Variants in CDH13 observed in about 807,000 individuals in gnomAD.
CDH13 encodes the protein cadherin-13.
In CDH13, 24 loss-of-function variants were observed where a neutral mutation model predicts 63.8. The observed-to-expected ratio is 0.38, with a 90% CI of 0.27 to 0.53. CDH13 has a LOEUF of 0.53. Among genes scored for constraint, CDH13 ranks in the 20% least tolerant of loss-of-function variants. The probability of loss-of-function intolerance (pLI) is 0.85; values close to 1 mark genes in which losing one functional copy is unlikely to be tolerated. For synonymous variants in CDH13, 503 were observed against 355.3 expected, an observed-to-expected ratio of 1.42 and a Z score of -4.67; for missense variants, 1,049 against 903.1, an observed-to-expected ratio of 1.16 and a Z score of -2.07.
intron 7 of CDH13, among the ~76,000 whole-genome samples, chr16:83,528,499 A>G (rs973275843): frequency 7.2e-5 from 11 of 152,186 alleles, no homozygotes; most frequent in Non-Finnish European, 1.6e-4. Context: ...GGGTTGAGAT[A>G]ATAGTAGTCC....
chr16:82,828,719 T>C (rs1013188374), intron 1 of CDH13, among the ~76,000 whole-genome samples: 8 of 151,876 alleles, frequency 5.3e-5, no homozygotes, highest in Non-Finnish European at 1.2e-4. Flanking sequence ...CACACACACA[T>C]TCAAAGAAAA....
intron 5 of CDH13, among the ~76,000 whole-genome samples, chr16:83,323,563 G>T (rs938621018): frequency 1.3e-5 from 2 of 151,974 alleles, no homozygotes; most frequent in Non-Finnish European, 2.9e-5. Context: ...TTACAGGCAT[G>T]AGCTACCGCG....
chr16:83,746,672 G>C (rs954712569), intron 10 of CDH13, among the ~76,000 whole-genome samples: 4 of 111,158 alleles, frequency 3.6e-5, no homozygotes, highest in Non-Finnish European at 4.7e-5. Context: ...ATCTTTACCA[G>C]TGTAAAGATT....
intron 1 of CDH13, chr16:82,825,792 C>G (rs1334111914): frequency 6.6e-6 from 1 of 150,954 alleles, no homozygotes; most frequent in Non-Finnish European, 1.5e-5. Flanking sequence ...GGTGATCCAC[C>G]TGCCTCAGCC....
At chr16:83,460,023 C>G (rs2073133599) in intron 6 of CDH13, among the ~76,000 whole-genome samples, 1 of 151,902 alleles carries the variant, frequency 6.6e-6, no homozygotes, top group South Asian at 2.1e-4. Context: ...GATAGGGGAT[C>G]AGTAACAAGA....
At chr16:83,342,646 T>C (rs546519308) in intron 5 of CDH13, among the ~76,000 whole-genome samples, 91 of 152,292 alleles carry the variant, frequency 6.0e-4, no homozygotes, top group African/African-American at 2.1e-3. Flanking sequence ...AGTTTCTGTC[T>C]TTCTTTCCAT....
At chr16:82,943,409 T>G (rs1407507789) in intron 2 of CDH13, among the ~76,000 whole-genome samples, 1 of 152,210 alleles carries the variant, frequency 6.6e-6, no homozygotes, top group Admixed American at 6.5e-5. Flanking sequence ...TGATTTTTTC[T>G]TTTCTTATAT....
intron 3 of CDH13, among the ~76,000 whole-genome samples, chr16:83,050,584 G>T (rs1351259084): frequency 2.0e-5 from 3 of 152,012 alleles, no homozygotes; most frequent in African/African-American, 2.4e-5. Context: ...TTCCTTTGCT[G>T]TTTTCTACCA....
chr16:83,419,132 G>C (rs376993692), intron 6 of CDH13, among the ~76,000 whole-genome samples: 2 of 152,098 alleles, frequency 1.3e-5, no homozygotes, highest in East Asian at 3.9e-4. Context: ...GACAGCTGTC[G>C]TTTTGTGATG....
At chr16:83,376,416 A>G (rs1353598566) in intron 6 of CDH13, among the ~76,000 whole-genome samples, 1 of 152,212 alleles carries the variant, frequency 6.6e-6, no homozygotes, top group East Asian at 1.9e-4. Flanking sequence ...AGGGAAAAGG[A>G]GAATGCTGAT....
At chr16:83,212,672 G>A (rs947129035) in intron 4 of CDH13, among the ~76,000 whole-genome samples, 1 of 152,158 alleles carries the variant, frequency 6.6e-6, no homozygotes, top group African/African-American at 2.4e-5. Flanking sequence ...CAGCATCAGT[G>A]ATACTCAACA....
chr16:83,182,517 TC>T (rs2038377690), intron 4 of CDH13, among the ~76,000 whole-genome samples: 1 of 152,222 alleles, frequency 6.6e-6, no homozygotes, highest in Admixed American at 6.5e-5. Context: ...AAGGTGAAGT[TC>T]ATAACTGCCA....
chr16:82,650,023 C>T (rs569766367), intron 1 of CDH13, among the ~76,000 whole-genome samples: 4 of 152,188 alleles, frequency 2.6e-5, no homozygotes, highest in African/African-American at 9.6e-5. Flanking sequence ...TGGGCAACAA[C>T]CCAAAGCTAT....
chr16:83,052,543 G>C (rs1234418012), intron 3 of CDH13, among the ~76,000 whole-genome samples: 3 of 152,150 alleles, frequency 2.0e-5, no homozygotes, highest in African/African-American at 7.2e-5. Flanking sequence ...AGTTTGGGAG[G>C]CCAAGGCGGG....
chr16:82,940,761 G>A (rs1397281224), intron 2 of CDH13, among the ~76,000 whole-genome samples: 1 of 152,162 alleles, frequency 6.6e-6, no homozygotes, highest in Non-Finnish European at 1.5e-5. Context: ...ACTAATCAGA[G>A]ATGTGGGAAG....
intron 11 of CDH13, among the ~76,000 whole-genome samples, chr16:83,759,215 A>C (rs1020279657): frequency 6.6e-6 from 1 of 152,226 alleles, no homozygotes; most frequent in Admixed American, 6.5e-5. Context: ...AATGCAATAG[A>C]ATAGAGAATT....
At chr16:83,692,511 T>G (rs1905012121) in intron 10 of CDH13, among the ~76,000 whole-genome samples, 1 of 152,232 alleles carries the variant, frequency 6.6e-6, no homozygotes, top group Admixed American at 6.5e-5. Context: ...TCCCGGTTTC[T>G]TTCCATTTAA....
intron 5 of CDH13, among the ~76,000 whole-genome samples, chr16:83,338,114 C>A (rs1435543677): frequency 6.7e-6 from 1 of 148,766 alleles, no homozygotes; most frequent in Non-Finnish European, 1.5e-5. Context: ...TTGTTTTAAG[C>A]CAAATGAGAC....
At chr16:82,687,101 C>T (rs16958275) in intron 1 of CDH13, among the ~76,000 whole-genome samples, 4,994 of 152,194 alleles carry the variant, frequency 0.033, 167 homozygotes, top group African/African-American at 0.076. Context: ...TTACCCATTA[C>T]GTTTAGGATT....
Sources: allele counts gnomAD v4.1 joint callset (sites outside exome capture counted in the v4.1 genomes callset), GRCh38; gene constraint gnomAD v4.1.1; transcripts MANE v1.5; gene names NCBI Gene and HGNC (gene_info 2026-07-23, HGNC 2026-07-21).